Variants in SLC9A9 observed in about 807,000 individuals in gnomAD.
The protein encoded by SLC9A9 is solute carrier family 9 member A9.
A neutral mutation model predicts 77.8 loss-of-function variants in SLC9A9; 62 were observed. The observed-to-expected ratio is 0.80, with a 90% CI of 0.65 to 0.98. The LOEUF (loss-of-function observed/expected upper bound fraction) is 0.98, where lower values mean the gene tolerates loss of function less well. SLC9A9 is among the 50% of genes least tolerant of loss of function. The pLI, the probability that SLC9A9 is intolerant of heterozygous loss-of-function variation, is 0.00. For missense variants in SLC9A9, 775 were observed against 774.9 expected, an observed-to-expected ratio of 1.00 and a Z score of 0.00; for synonymous variants, 320 against 283.5, an observed-to-expected ratio of 1.13 and a Z score of -1.29.
chr3:143,762,567 A>G (rs2007169416), intron 4 of SLC9A9, among the ~76,000 whole-genome samples: 1 of 152,108 alleles, frequency 6.6e-6, no homozygotes, highest in Non-Finnish European at 1.5e-5. Context: ...CACCAAAGCA[A>G]TTTCCCCAAG....
At chr3:143,505,968 C>T (rs577923475) in intron 9 of SLC9A9, among the ~76,000 whole-genome samples, 1 of 152,266 alleles carries the variant, frequency 6.6e-6, no homozygotes, top group East Asian at 1.9e-4. Context: ...AAGTTTTCCA[C>T]TTTGGAGTCT....
intron 14 of SLC9A9, among the ~76,000 whole-genome samples, chr3:143,285,570 G>C (rs1275442422): frequency 6.6e-6 from 1 of 152,062 alleles, no homozygotes; most frequent in African/African-American, 2.4e-5. Flanking sequence ...CCCTTCCCTA[G>C]GCTTGAAAAG....
intron 4 of SLC9A9, among the ~76,000 whole-genome samples, chr3:143,768,515 A>G (rs2007406770): frequency 6.6e-6 from 1 of 152,206 alleles, no homozygotes; most frequent in Non-Finnish European, 1.5e-5. Flanking sequence ...CATTGGAACT[A>G]CAGGGGATAT....
At chr3:143,567,710 G>C (rs926832555) in intron 8 of SLC9A9, among the ~76,000 whole-genome samples, 29 of 152,242 alleles carry the variant, frequency 1.9e-4, no homozygotes, top group Admixed American at 3.3e-4. Flanking sequence ...TAAATCAAAT[G>C]ATCATCATCA....
chr3:143,573,294 A>G (rs184736750), intron 8 of SLC9A9, among the ~76,000 whole-genome samples: 2 of 152,174 alleles, frequency 1.3e-5, no homozygotes, highest in Admixed American at 6.6e-5. Context: ...TTAAGATGTA[A>G]TGAGCAGAAA....
At chr3:143,807,745 T>TAAAAAAG (rs1031344751) in intron 2 of SLC9A9, among the ~76,000 whole-genome samples, 1 of 151,308 alleles carries the variant, frequency 6.6e-6, no homozygotes, top group Non-Finnish European at 1.5e-5. Flanking sequence ...ACTCTGTCTT[T>TAAAAAAG]AAAAAAGAAA....
intron 2 of SLC9A9, among the ~76,000 whole-genome samples, chr3:143,827,426 C>G (rs976459325): frequency 1.6e-4 from 25 of 151,876 alleles, no homozygotes; most frequent in African/African-American, 4.8e-4. Flanking sequence ...TTTTTCTTTT[C>G]TACACTTTTA....
intron 12 of SLC9A9, among the ~76,000 whole-genome samples, chr3:143,429,378 A>G (rs1199430940): frequency 6.6e-6 from 1 of 152,186 alleles, no homozygotes; most frequent in South Asian, 2.1e-4. Context: ...TAAGAGTCCA[A>G]CTTGAGATGT....
chr3:143,360,460 C>T (rs1451978220), intron 14 of SLC9A9, among the ~76,000 whole-genome samples: 1 of 152,140 alleles, frequency 6.6e-6, no homozygotes, highest in Non-Finnish European at 1.5e-5. Context: ...GCAGCAGAGG[C>T]CAACCCAATC....
At chr3:143,651,376 A>G (rs916074705) in intron 6 of SLC9A9, among the ~76,000 whole-genome samples, 11 of 152,230 alleles carry the variant, frequency 7.2e-5, no homozygotes, top group Admixed American at 2.6e-4. Flanking sequence ...GCAAAAAGAA[A>G]GAAAAAAAAG....
In SLC9A9 at chr3:143,735,519, G is replaced by A. The variant is rs960354109; in HGVS notation, c.534-42212C>T. ...AGGGCAACGAGTCCTGTGAGTTAAT[G>A]TCCAGCACAGTACCTGGCATACACG... On this transcript the variant is annotated intron_variant, in intron 4 of 15. Coordinates refer to ENST00000316549, the MANE Select transcript of SLC9A9 (RefSeq NM_173653.4). 3.3e-5 allele frequency among the ~76,000 whole-genome samples: 5 copies of A among 152,292 alleles called. No individual in the cohort carries two copies. In the South Asian group the frequency reaches 6.2e-4, roughly 19 times the overall value.
chr3:143,419,866 T>A (rs1350655749), intron 12 of SLC9A9, among the ~76,000 whole-genome samples: 2 of 152,180 alleles, frequency 1.3e-5, no homozygotes, highest in Non-Finnish European at 1.5e-5. Flanking sequence ...TCTGAGCAGA[T>A]GCCAACTCAT....
At chr3:143,539,658 G>T (rs1165962019) in intron 9 of SLC9A9, among the ~76,000 whole-genome samples, 1 of 152,138 alleles carries the variant, frequency 6.6e-6, no homozygotes, top group African/African-American at 2.4e-5. Flanking sequence ...AGGGGGTTAT[G>T]CCATTGCCAT....
intron 12 of SLC9A9, among the ~76,000 whole-genome samples, chr3:143,416,207 T>C (rs1480335454): frequency 6.6e-6 from 1 of 152,180 alleles, no homozygotes; most frequent in Non-Finnish European, 1.5e-5. Context: ...CTGGTGAAGA[T>C]GCCATGAACA....
intron 13 of SLC9A9, among the ~76,000 whole-genome samples, chr3:143,366,334 G>A (rs1331688144): frequency 6.6e-6 from 1 of 152,194 alleles, no homozygotes; most frequent in African/African-American, 2.4e-5. Context: ...TGCACATAGG[G>A]ATTTTAGAGA....
intron 14 of SLC9A9, among the ~76,000 whole-genome samples, chr3:143,287,809 G>A (rs1191450134): frequency 2.0e-5 from 3 of 152,170 alleles, no homozygotes; most frequent in Non-Finnish European, 2.9e-5. Flanking sequence ...TTCACATGAA[G>A]TGAACTGCAA....
intron 1 of SLC9A9, among the ~76,000 whole-genome samples, chr3:143,839,724 T>C (rs1487595510): frequency 1.3e-5 from 2 of 152,328 alleles, no homozygotes; most frequent in Non-Finnish European, 2.9e-5. Context: ...CATCAGCTTA[T>C]ATATAGCTAA....
At chr3:143,819,428 A>G (rs373397326) in intron 2 of SLC9A9, among the ~76,000 whole-genome samples, 1 of 152,192 alleles carries the variant, frequency 6.6e-6, no homozygotes, top group Non-Finnish European at 1.5e-5. Context: ...GGCAGCATGG[A>G]GTTGTAGAAA....
intron 6 of SLC9A9, among the ~76,000 whole-genome samples, chr3:143,593,117 G>C (rs1381709913): frequency 6.6e-6 from 1 of 152,176 alleles, no homozygotes; most frequent in Non-Finnish European, 1.5e-5. Flanking sequence ...GTTAAAACTA[G>C]AGAACTGTGC....
Sources: gnomAD v4.1 joint callset for allele counts (sites outside exome capture counted in the v4.1 genomes callset) on GRCh38, gnomAD v4.1.1 for gene constraint, MANE v1.5 for transcripts, NCBI Gene and HGNC (gene_info 2026-07-23, HGNC 2026-07-21) for gene names.